Variants in CTNS observed in about 807,000 individuals in gnomAD.
CTNS encodes cystinosin.
In CTNS, 27 loss-of-function variants were observed where a neutral mutation model predicts 43.7. That is an observed-to-expected ratio of 0.62 (90% CI 0.46 to 0.85). CTNS has a LOEUF of 0.85. CTNS is among the 40% of genes least tolerant of loss of function. CTNS has a pLI of 0.00. For missense variants in CTNS, 457 were observed against 475.4 expected (o/e 0.96, Z 0.36); for synonymous variants, 187 against 190.6 (o/e 0.98, Z 0.16).
Position 3,660,825 on chromosome 17 carries a change from G to C in CTNS, c.*456G>C. On this transcript the variant is annotated 3_prime_UTR_variant, in exon 12 of 12. Coordinates refer to ENST00000046640, the MANE Select transcript of CTNS (RefSeq NM_004937.3). ...CGGTGCCGTGGCCAGTGAACTCAGAGGTGCTGGTGGACGGGCTAGGACTTT... is the reference window on the plus strand; with the variant it reads ...CGGTGCCGTGGCCAGTGAACTCAGACGTGCTGGTGGACGGGCTAGGACTTT... The C allele has an allele frequency of 1.9e-6, 3 of 1,582,700 alleles. No individual in the cohort carries two copies. The highest frequency in any genetic ancestry group is 2.6e-6 in the Non-Finnish European group (3 of 1,163,902).
chr17:3,655,509 TGGG>T, intron 7 of CTNS, 157 bp downstream of exon 7: 2 of 1,109,530 alleles, frequency 1.8e-6, no homozygotes, highest in Non-Finnish European at 2.6e-6. Context: ...TCGGAGAGCC[TGGG>T]TCGGATTCCC....
intron 5 of CTNS, 45 bp from the exon 6 acceptor site, chr17:3,654,953 G>C (rs377060700): frequency 2.1e-6 from 3 of 1,417,332 alleles, no homozygotes; most frequent in Non-Finnish European, 3.0e-6. Context: ...CGGGGTCCTC[G>C]GTAACTGTAC....
rs397856854 is a variant in CTNS, at chr17:3,662,311, C to CA, written c.*1957dup. Among the ~76,000 whole-genome samples, 5,537 of 146,828 alleles carry CA rather than the reference C, an allele frequency of 0.038. 175 individuals are homozygous for CA. Among genetic ancestry groups the CA allele is most frequent in the African/African-American group, 0.087 (3,485 of 40,240 alleles). ...GGGCAACAAGAACGAAACTCCATCT[C>CA]AAAAAAAAAAAAAAATTATTGACTT... On this transcript the variant is annotated 3_prime_UTR_variant, in exon 12 of 12. Coordinates refer to ENST00000046640, the MANE Select transcript of CTNS (RefSeq NM_004937.3).
Position 3,662,545 on chromosome 17 carries a change from C to T in CTNS, c.*2176C>T, listed in dbSNP as rs1373990257. On this transcript the variant is annotated 3_prime_UTR_variant, in exon 12 of 12. Coordinates refer to ENST00000046640, the MANE Select transcript of CTNS (RefSeq NM_004937.3). ...CTTATAGGCAGGGGTCTCTCCCAGG[C>T]ACCTCTGGGTGTCCCTACGGCCCCT... Among the ~76,000 whole-genome samples the T allele has an allele frequency of 6.6e-6, 1 of 152,142 alleles. No individual in the cohort carries two copies. The highest frequency in any genetic ancestry group is 6.5e-5 in the Admixed American group (1 of 15,268).
intron 3 of CTNS, among the ~76,000 whole-genome samples, chr17:3,641,355 G>GAGATAT (rs777820533): frequency 1.6e-5 from 1 of 64,022 alleles, no homozygotes; most frequent in African/African-American, 8.1e-5. Flanking sequence ...ACAAAAATCA[G>GAGATAT]ATACATATAT....
Position 3,647,433 on chromosome 17 carries a change from G to C in CTNS, c.62-11G>C. 6.2e-7 allele frequency: 1 copy of C among 1,613,302 alleles called. No individual in the cohort carries two copies. The highest frequency in any genetic ancestry group is 8.5e-7 in the Non-Finnish European group (1 of 1,179,224). On this transcript the variant is annotated splice_polypyrimidine_tract_variant and intron_variant, in intron 3 of 11. Transcript: ENST00000046640. The stretch of plus-strand genomic sequence containing the variant: ...CCCAGTGCCTCATGTCATTGATTTG[G>C]GTCCTTCCAGAGTCAAGCGTCAGCC...
At position 3,660,717 on chromosome 17, in the gene CTNS, A is replaced by C. The variant is rs768393290; in HGVS notation, c.*348A>C. ...GCCCCAAACTACCAGCGTTTCTGCA[A>C]GCAGCTTGAAGGGCTGACCTTGCAG... On this transcript the variant is annotated 3_prime_UTR_variant, in exon 12 of 12. Transcript: ENST00000046640. 1.2e-6 allele frequency: 2 copies of C among 1,613,552 alleles called. No individual in the cohort carries two copies. Among genetic ancestry groups the C allele is most frequent in the Non-Finnish European group, 1.7e-6 (2 of 1,180,030 alleles).
intron 3 of CTNS, among the ~76,000 whole-genome samples, chr17:3,644,366 T>A (rs1173627316): frequency 6.6e-6 from 1 of 152,220 alleles, no homozygotes; most frequent in East Asian, 1.9e-4. Context: ...ATATCTCAGT[T>A]GCTGAGCACC....
chr17:3,640,111 A>G (rs1171565815), intron 2 of CTNS, 77 bp from the exon 3 acceptor site: 2 of 1,186,350 alleles, frequency 1.7e-6, no homozygotes, highest in Non-Finnish European at 1.3e-6. Context: ...TCCATGCTCC[A>G]GAGGGCAGAT....
At position 3,658,155 on chromosome 17, in the gene CTNS, C is replaced by G; in HGVS notation, c.832C>G (p.Leu278Val). The G allele has an allele frequency of 6.2e-7, 1 of 1,612,082 alleles. No homozygotes were observed. The highest frequency in any genetic ancestry group is 8.5e-7 in the Non-Finnish European group (1 of 1,179,780). Residue 278 changes from leucine (L) to valine (V), a missense_variant, in exon 10 of 12, where the codon CTG becomes GTG. Coordinates refer to ENST00000046640, the MANE Select transcript of CTNS (RefSeq NM_004937.3). The part of the protein sequence containing the change: ...CFSYIKLAVT[L>V]VKYFPQAYMN... ...CTCCTACATCAAGCTCGCAGTCACG[C>G]TGGTCAAGTATTTTCCACAGGTACC...
chr17:3,656,007 C>T (rs1037536978), intron 7 of CTNS: 11 of 314,930 alleles, frequency 3.5e-5, no homozygotes, highest in African/African-American at 2.2e-4. Flanking sequence ...CCTCCTTCCC[C>T]GTGGCCTGGG....
intron 4 of CTNS, among the ~76,000 whole-genome samples, chr17:3,648,115 T>C (rs905935504): frequency 6.6e-6 from 1 of 152,220 alleles, no homozygotes; most frequent in Non-Finnish European, 1.5e-5. Context: ...GATTCCCTGA[T>C]GAAGAAGACC....
In CTNS at chr17:3,656,607, C is replaced by T. The variant is rs201042876; in HGVS notation, c.561+21C>T. On this transcript the variant is annotated intron_variant, in intron 8 of 11. Coordinates refer to ENST00000046640, the MANE Select transcript of CTNS (RefSeq NM_004937.3). ...TCAAGGTACGGCCTTGCCTGCCCTA[C>T]ATCTCTGCCCACATGGCGTGGTGGC... 3 of 1,612,392 alleles carry T rather than the reference C, an allele frequency of 1.9e-6. No individual in the cohort carries two copies. In the African/African-American group the frequency reaches 4.0e-5, roughly 22 times the overall value.
rs1300164946 is a variant in CTNS, at chr17:3,661,259, C to T, written c.*890C>T. On this transcript the variant is annotated 3_prime_UTR_variant, in exon 12 of 12. Coordinates refer to ENST00000046640, the MANE Select transcript of CTNS (RefSeq NM_004937.3). Reference sequence around the variant, plus strand: ...GAGCGAGGGCAGGCCCCTTCCCTCTCTTTCCCCAGACACCTACTTGAGACT... The same window carrying T: ...GAGCGAGGGCAGGCCCCTTCCCTCTTTTTCCCCAGACACCTACTTGAGACT... 4 of 193,086 alleles carry T rather than the reference C, an allele frequency of 2.1e-5. No homozygotes were observed. The highest frequency in any genetic ancestry group is 9.4e-5 in the African/African-American group (4 of 42,712). The allele number at this position is 193,086 out of a possible 1,614,324, so 12.0% of individuals were successfully genotyped here.
intron 7 of CTNS, 116 bp downstream of exon 7, chr17:3,655,468 C>A (rs1051265134): frequency 3.3e-6 from 5 of 1,493,540 alleles, no homozygotes; most frequent in Non-Finnish European, 4.6e-6. Flanking sequence ...GTCTGCCTAC[C>A]CTTTCCAGAA....
At position 3,660,565 on chromosome 17, in the gene CTNS, C is replaced by T. The variant is rs973906074; in HGVS notation, c.*196C>T. ...CGTCCGGGCCCCTCCTGGGCCTCCC[C>T]GGCCAGGCACGTGGCACCGTCGCCT... On this transcript the variant is annotated 3_prime_UTR_variant, in exon 12 of 12. Coordinates refer to ENST00000046640, the MANE Select transcript of CTNS (RefSeq NM_004937.3). The T allele has an allele frequency of 4.5e-5, 72 of 1,612,938 alleles. No individual in the cohort carries two copies. The Middle Eastern group carries it at 6.6e-4, about 15-fold the overall frequency.
chr17:3,648,115 T>G (rs905935504), intron 4 of CTNS, among the ~76,000 whole-genome samples: 3 of 152,220 alleles, frequency 2.0e-5, no homozygotes, highest in Admixed American at 6.5e-5. Context: ...GATTCCCTGA[T>G]GAAGAAGACC....
chr17:3,661,844 G>A lies in CTNS; in HGVS notation c.*1475G>A, dbSNP rs529326719. On this transcript the variant is annotated 3_prime_UTR_variant, in exon 12 of 12. Transcript: ENST00000046640. ...AGCACTGGGAGCGGGGGCAGTGGGGGTCTTATTCTCCAGACGCTTCCTCTA... is the reference window on the plus strand; with the variant it reads ...AGCACTGGGAGCGGGGGCAGTGGGGATCTTATTCTCCAGACGCTTCCTCTA... Among the ~76,000 whole-genome samples the A allele has an allele frequency of 6.6e-6, 1 of 152,318 alleles. No individual in the cohort carries two copies. Among genetic ancestry groups the A allele is most frequent in the Admixed American group, 6.5e-5 (1 of 15,292 alleles).
At chr17:3,659,586 C>T (rs904357191) in intron 10 of CTNS, among the ~76,000 whole-genome samples, 4 of 152,200 alleles carry the variant, frequency 2.6e-5, no homozygotes, top group Non-Finnish European at 4.4e-5. Context: ...CGGGGAAGGC[C>T]GCATCGGCCC....
Sources: allele counts gnomAD v4.1 joint callset (sites outside exome capture counted in the v4.1 genomes callset), GRCh38; gene constraint gnomAD v4.1.1; transcripts MANE v1.5; gene names NCBI Gene and HGNC (gene_info 2026-07-23, HGNC 2026-07-21).